Variants in RGS9 observed in about 807,000 individuals in gnomAD.
RGS9 encodes regulator of G protein signaling 9.
Under a neutral mutation model 102.0 loss-of-function variants are expected in RGS9, and 78 were observed. That is an observed-to-expected ratio of 0.76 (90% CI 0.64 to 0.92). The LOEUF is 0.92. Among genes scored for constraint, RGS9 ranks in the 40% least tolerant of loss-of-function variants. The pLI, the probability that RGS9 is intolerant of heterozygous loss-of-function variation, is 0.00. For synonymous variants in RGS9, 353 were observed against 318.6 expected, an observed-to-expected ratio of 1.11 and a Z score of -1.15; for missense variants, 833 against 866.1, an observed-to-expected ratio of 0.96 and a Z score of 0.48.
At chr17:65,179,674 T>TGTGTGTGTGTGTGC (rs1211966037) in intron 9 of RGS9, among the ~76,000 whole-genome samples, 3 of 148,474 alleles carry the variant, frequency 2.0e-5, no homozygotes, top group Admixed American at 6.7e-5. Flanking sequence ...TGTGTGTGTG[T>TGTGTGTGTGTGTGC]GTGTGTGTTG....
intron 8 of RGS9, among the ~76,000 whole-genome samples, chr17:65,171,952 C>G (rs2144023340): frequency 6.6e-6 from 1 of 152,346 alleles, no homozygotes; most frequent in African/African-American, 2.4e-5. Flanking sequence ...TAGTCTGAGG[C>G]TGCTTCCTGG....
chr17:65,196,628 G>A (rs568885440), intron 12 of RGS9, among the ~76,000 whole-genome samples: 1 of 149,854 alleles, frequency 6.7e-6, no homozygotes, highest in Non-Finnish European at 1.5e-5. Context: ...GCCTGAGGCA[G>A]GTACAGGAGG....
chr17:65,205,170 A>G (rs1481456962), intron 15 of RGS9, among the ~76,000 whole-genome samples: 2 of 152,194 alleles, frequency 1.3e-5, no homozygotes, highest in African/African-American at 4.8e-5. Context: ...AGAAACTAGA[A>G]TCGGAGGCTC....
At chr17:65,210,174 T>C (rs895071675) in intron 16 of RGS9, among the ~76,000 whole-genome samples, 1 of 152,182 alleles carries the variant, frequency 6.6e-6, no homozygotes, top group African/African-American at 2.4e-5. Context: ...ACTTCTTTCA[T>C]GAAGATGTTA....
intron 8 of RGS9, among the ~76,000 whole-genome samples, chr17:65,171,606 GA>G (rs1911423622): frequency 6.6e-6 from 1 of 152,246 alleles, no homozygotes; most frequent in Non-Finnish European, 1.5e-5. Context: ...GATTGATTTA[GA>G]AAGGCAGGGA....
chr17:65,154,916 CT>C (rs1333532975), intron 2 of RGS9, among the ~76,000 whole-genome samples: 1 of 152,172 alleles, frequency 6.6e-6, no homozygotes, highest in African/African-American at 2.4e-5. Flanking sequence ...TCAAGGTGCC[CT>C]AGTCTTTGCA....
At chr17:65,204,047 A>G in intron 14 of RGS9, 116 bp from the exon 15 acceptor site, 1 of 1,263,322 alleles carries the variant, frequency 7.9e-7, no homozygotes, top group Non-Finnish European at 1.1e-6. Flanking sequence ...TAAAAAAACC[A>G]CCACCCTCAC....
Position 65,227,254 on chromosome 17 carries a change from G to A in RGS9, c.1893-21G>A, listed in dbSNP as rs775995405. ...TCCTGCCCCTGCCCCTACATTACTGGCTTTCCTCTTGCACCTGAAGCTTTT... is the reference window on the plus strand; with the variant it reads ...TCCTGCCCCTGCCCCTACATTACTGACTTTCCTCTTGCACCTGAAGCTTTT... On this transcript the variant is annotated intron_variant, in intron 18 of 18. Coordinates refer to ENST00000262406, the MANE Select transcript of RGS9 (RefSeq NM_003835.4). 16 of 1,613,996 alleles carry A rather than the reference G, an allele frequency of 9.9e-6. No homozygotes were observed. The African/African-American group carries it at 2.1e-4, about 22-fold the overall frequency.
At chr17:65,140,707 A>T (rs905368117) in intron 1 of RGS9, among the ~76,000 whole-genome samples, 1 of 151,162 alleles carries the variant, frequency 6.6e-6, no homozygotes, top group African/African-American at 2.4e-5. Context: ...AAACCCTCTG[A>T]CTATTAAAAA....
Position 65,207,914 on chromosome 17 carries a change from C to A in RGS9, c.1204-8C>A. 1.3e-6 allele frequency: 2 copies of A among 1,599,332 alleles called. No homozygotes were observed. The highest frequency in any genetic ancestry group is 2.2e-5 in the South Asian group (2 of 90,636). ...TCATAATTACTGTTGTTTTCTTGTT[C>A]CCACTAGGATTCTTATGCTCGCTAT... On this transcript the variant is annotated splice_region_variant and splice_polypyrimidine_tract_variant and intron_variant, in intron 15 of 18. Coordinates refer to ENST00000262406, the MANE Select transcript of RGS9 (RefSeq NM_003835.4).
chr17:65,195,726 A>G (rs1912558968), intron 12 of RGS9, among the ~76,000 whole-genome samples: 1 of 152,166 alleles, frequency 6.6e-6, no homozygotes, highest in South Asian at 2.1e-4. Flanking sequence ...CAAAAACATC[A>G]ACGTTCAGGC....
intron 9 of RGS9, chr17:65,188,890 C>T (rs1453839093): frequency 4.1e-6 from 1 of 242,118 alleles, no homozygotes. Flanking sequence ...GCTGGGATTA[C>T]AGGCTTGAGC....
chr17:65,149,569 C>T (rs1343255461), intron 1 of RGS9, among the ~76,000 whole-genome samples: 1 of 152,120 alleles, frequency 6.6e-6, no homozygotes, highest in African/African-American at 2.4e-5. Flanking sequence ...TATTCCTGGG[C>T]ACCTAAACAC....
intron 9 of RGS9, among the ~76,000 whole-genome samples, chr17:65,179,674 T>TGTGTGTGTGC (rs1211966037): frequency 2.0e-5 from 3 of 148,474 alleles, no homozygotes; most frequent in African/African-American, 7.5e-5. Flanking sequence ...TGTGTGTGTG[T>TGTGTGTGTGC]GTGTGTGTTG....
In RGS9 at chr17:65,225,066, C is replaced by T. The variant is rs1905574399; in HGVS notation, c.1472C>T (p.Ser491Phe). 1 of 1,614,054 alleles carries T rather than the reference C, an allele frequency of 6.2e-7. No individual in the cohort carries two copies. Among genetic ancestry groups the T allele is most frequent in the Non-Finnish European group, 8.5e-7 (1 of 1,180,012 alleles). The change falls in exon 18 of 19, where the codon TCT (serine) becomes TTT (phenylalanine). Residue 491 changes from serine to phenylalanine, a missense_variant. Ser to Phe is a radical substitution (Grantham distance 155). Coordinates refer to ENST00000262406, the MANE Select transcript of RGS9 (RefSeq NM_003835.4). Reference sequence around the variant, plus strand: ...TACACCGGGACCTGCATGCCCCCGTCTCCTTCTAGCCCCTTCTCCTCCTCC... The same window carrying T: ...TACACCGGGACCTGCATGCCCCCGTTTCCTTCTAGCCCCTTCTCCTCCTCC... ...TVYTGTCMPP[S>F]PSSPFSSSCR...
At chr17:65,148,656 C>T (rs1284137437) in intron 1 of RGS9, among the ~76,000 whole-genome samples, 1 of 152,160 alleles carries the variant, frequency 6.6e-6, no homozygotes, top group Non-Finnish European at 1.5e-5. Context: ...ATTCTGTTGG[C>T]CCTCTCTGCA....
rs1222118495 is a variant in RGS9, at chr17:65,225,479, G to T, written c.1885G>T (p.Val629Leu). Residue 629 changes from valine (V) to leucine (L), a missense_variant, in exon 18 of 19, where the codon GTA becomes TTA. Val to Leu is a conservative substitution (Grantham distance 32). This residue lies in a region of RGS9 where 320 missense variants were observed against 276.8 expected (regional missense o/e 1.16). Coordinates refer to ENST00000262406, the MANE Select transcript of RGS9 (RefSeq NM_003835.4). The part of the protein sequence containing the change: ...QQLPRLKSKR[V>L]ANFFQIKMDV... ...GCTGCCACGATTGAAATCCAAGAGA[G>T]TAGCAAAGTAAGAACCCGAAGGGGA... 1 of 1,602,294 alleles carries T rather than the reference G, an allele frequency of 6.2e-7. No homozygotes were observed. The highest frequency in any genetic ancestry group is 1.7e-5 in the Admixed American group (1 of 60,034).
chr17:65,154,089 C>T (rs970521322), intron 2 of RGS9, among the ~76,000 whole-genome samples: 26 of 152,114 alleles, frequency 1.7e-4, no homozygotes, highest in Non-Finnish European at 3.7e-4. Flanking sequence ...GGTGGATCAC[C>T]TGAGGTCGGG....
chr17:65,167,271 G>A (rs936944797), intron 7 of RGS9, among the ~76,000 whole-genome samples: 2 of 151,884 alleles, frequency 1.3e-5, no homozygotes, highest in African/African-American at 4.8e-5. Context: ...GCGCGATCTC[G>A]GCTCACTGCA....
Sources: allele counts gnomAD v4.1 joint callset (sites outside exome capture counted in the v4.1 genomes callset), GRCh38; gene constraint gnomAD v4.1.1; regional missense constraint gnomAD v4.1.1; transcripts MANE v1.5; gene names NCBI Gene and HGNC (gene_info 2026-07-23, HGNC 2026-07-21).